CYP4X1: variants seen among roughly 807,000 people sequenced by gnomAD.
The protein encoded by CYP4X1 is cytochrome P450 4X1.
In CYP4X1, 44 loss-of-function variants were observed where a neutral mutation model predicts 57.9. The ratio of observed to expected loss-of-function variants is 0.76; its 90% CI spans 0.60 to 0.98. CYP4X1 has a LOEUF of 0.98. Ranked by LOEUF, CYP4X1 falls within the 50% of genes least tolerant of loss-of-function variation. CYP4X1 has a pLI of 0.00. For synonymous variants in CYP4X1, 227 were observed against 228.6 expected (o/e 0.99, Z 0.06); for missense variants, 532 against 623.9 (o/e 0.85, Z 1.57).
rs267598628 is a variant in CYP4X1, at chr1:47,046,583, G to T, written c.1190G>T (p.Gly397Val). 1 of 1,614,110 alleles carries T rather than the reference G, an allele frequency of 6.2e-7. No homozygotes were observed. ...AGCAAGCCACTTACCTTCCCAGATGGATGCACATTGCCTGCAGGTCTTTAC... is the reference window on the plus strand; with the variant it reads ...AGCAAGCCACTTACCTTCCCAGATGTATGCACATTGCCTGCAGGTCTTTAC... ...DLSKPLTFPD[G>V]CTLPAGITVV... Residue 397 changes from glycine (G) to valine (V), a missense_variant, in exon 9 of 12, where the codon GGA (glycine) becomes GTA (valine). Coordinates refer to ENST00000371901, the MANE Select transcript of CYP4X1 (RefSeq NM_178033.2).
the CYP4X1 span, among the ~76,000 whole-genome samples, chr1:47,009,520 C>T: frequency 6.6e-6 from 1 of 152,112 alleles, no homozygotes; most frequent in East Asian, 1.9e-4. Flanking sequence ...CAAGAACAAA[C>T]ACGTTCAAAA....
Position 47,050,021 on chromosome 1 carries a change from T to C in CYP4X1, c.1377T>C (p.Phe459=), listed in dbSNP as rs767185999. The change falls in exon 12 of 12, where the codon TTT becomes TTC. Residue 459 remains phenylalanine (F), a synonymous_variant. Coordinates refer to ENST00000371901, the MANE Select transcript of CYP4X1 (RefSeq NM_178033.2). ...TCAGGAACTGCATTGGGCAGGAGTTTGCCATGATTGAGTTAAAGGTAACCA... is the reference window on the plus strand; with the variant it reads ...TCAGGAACTGCATTGGGCAGGAGTTCGCCATGATTGAGTTAAAGGTAACCA... ...AGSRNCIGQE[F]AMIELKVTIA... is the part of the protein sequence containing the mutation. 2 of 1,614,048 alleles carry C rather than the reference T, an allele frequency of 1.2e-6. No homozygotes were observed. Among genetic ancestry groups the C allele is most frequent in the Non-Finnish European group, 1.7e-6 (2 of 1,180,000 alleles).
chr1:46,997,340 C>T, the CYP4X1 span, among the ~76,000 whole-genome samples: 3 of 152,052 alleles, frequency 2.0e-5, no homozygotes, highest in Non-Finnish European at 4.4e-5. Context: ...AACATAGTAC[C>T]CAATAGGTAG....
At position 47,033,222 on chromosome 1, in the gene CYP4X1, C is replaced by A; in HGVS notation, c.365-19C>A. The A allele has an allele frequency of 6.2e-7, 1 of 1,609,576 alleles. No homozygotes were observed. The highest frequency in any genetic ancestry group is 8.5e-7 in the Non-Finnish European group (1 of 1,178,352). ...ATCTAATTAAATGGCATAAGGTTTT[C>A]TGCCTTTTATTTCTCAAGGAAAAGG... On this transcript the variant is annotated intron_variant, in intron 3 of 11. Transcript: ENST00000371901.
chr1:46,980,671 A>G, the CYP4X1 span, among the ~76,000 whole-genome samples: 2 of 152,242 alleles, frequency 1.3e-5, no homozygotes, highest in Admixed American at 1.3e-4. Context: ...CATATTGCCA[A>G]GACAATACTT....
intron 1 of CYP4X1, among the ~76,000 whole-genome samples, chr1:47,028,948 G>C (rs1644098617): frequency 6.6e-6 from 1 of 152,200 alleles, no homozygotes; most frequent in African/African-American, 2.4e-5. Flanking sequence ...AAAAAGTGCA[G>C]TATTTTAGAA....
the CYP4X1 span, among the ~76,000 whole-genome samples, chr1:46,978,237 TGTGCAG>T: frequency 6.6e-6 from 1 of 152,020 alleles, no homozygotes; most frequent in Non-Finnish European, 1.5e-5. Flanking sequence ...ACCCATCTCA[TGTGCAG>T]CAACACACAA....
At chr1:46,982,081 G>T in the CYP4X1 span, among the ~76,000 whole-genome samples, 10 of 152,130 alleles carry the variant, frequency 6.6e-5, no homozygotes, top group Admixed American at 6.5e-5. Flanking sequence ...GTATACATAT[G>T]TAACAAACCT....
chr1:47,001,241 T>C, the CYP4X1 span, among the ~76,000 whole-genome samples: 2 of 152,214 alleles, frequency 1.3e-5, no homozygotes, highest in Non-Finnish European at 2.9e-5. Flanking sequence ...GGACAGAACC[T>C]ACCAGTCTTG....
At chr1:47,024,030 G>A in intron 1 of CYP4X1, 36 bp downstream of exon 1, 2 of 1,588,890 alleles carry the variant, frequency 1.3e-6, no homozygotes, top group Non-Finnish European at 8.6e-7. Flanking sequence ...GGAGGAGGGA[G>A]GGGCGGAGGA....
chr1:46,967,638 C>T, the CYP4X1 span: 1 of 407,146 alleles, frequency 2.5e-6, no homozygotes, highest in Non-Finnish European at 4.4e-6. Flanking sequence ...GAGACAGGAG[C>T]AGGGGTGAGG....
chr1:47,042,993 A>G (rs1371093713), intron 8 of CYP4X1, among the ~76,000 whole-genome samples: 6 of 152,228 alleles, frequency 3.9e-5, no homozygotes, highest in Non-Finnish European at 8.8e-5. Flanking sequence ...TTGCTGGATC[A>G]AATGGTAGTT....
At chr1:46,965,565 CAA>C in the CYP4X1 span, among the ~76,000 whole-genome samples, 1 of 152,162 alleles carries the variant, frequency 6.6e-6, no homozygotes, top group Non-Finnish European at 1.5e-5. Context: ...TGTGAAACAG[CAA>C]AGATGGAGGC....
At chr1:47,001,672 C>T in the CYP4X1 span, among the ~76,000 whole-genome samples, 1 of 152,218 alleles carries the variant, frequency 6.6e-6, no homozygotes, top group Non-Finnish European at 1.5e-5. Flanking sequence ...AATTCTACTT[C>T]AGAAGTTTTT....
chr1:47,019,058 A>G (rs1217759675), upstream of CYP4X1, among the ~76,000 whole-genome samples: 1 of 152,184 alleles, frequency 6.6e-6, no homozygotes, highest in African/African-American at 2.4e-5. Context: ...GAATATCACC[A>G]AACTCAAAAT....
At chr1:46,996,616 T>C in the CYP4X1 span, among the ~76,000 whole-genome samples, 1 of 152,162 alleles carries the variant, frequency 6.6e-6, no homozygotes, top group Non-Finnish European at 1.5e-5. Context: ...GTATGTAGAG[T>C]ATGAGCTTCC....
the CYP4X1 span, chr1:47,002,868 T>G: frequency 6.6e-6 from 1 of 152,218 alleles, no homozygotes; most frequent in Non-Finnish European, 1.5e-5. Context: ...TTTTGTCAAA[T>G]TAAAAAGTAG....
the CYP4X1 span, among the ~76,000 whole-genome samples, chr1:47,008,985 C>T: frequency 6.6e-6 from 1 of 152,130 alleles, no homozygotes; most frequent in Admixed American, 6.5e-5. Flanking sequence ...TTTAACACCC[C>T]ACTGTGAACA....
chr1:47,038,640 G>A lies in CYP4X1; in HGVS notation c.776-20G>A. ...GACTTTGCCATCACTTTGGTAATTG[G>A]AAACTATTTTTCTACCCAGATACAA... On this transcript the variant is annotated intron_variant, in intron 6 of 11. Coordinates refer to ENST00000371901, the MANE Select transcript of CYP4X1 (RefSeq NM_178033.2). 6.4e-7 allele frequency: 1 copy of A among 1,568,492 alleles called. No individual in the cohort carries two copies. The highest frequency in any genetic ancestry group is 8.6e-7 in the Non-Finnish European group (1 of 1,156,406).
Sources: gnomAD v4.1 joint callset for allele counts (sites outside exome capture counted in the v4.1 genomes callset) on GRCh38, gnomAD v4.1.1 for gene constraint, MANE v1.5 for transcripts, NCBI Gene and HGNC (gene_info 2026-07-23, HGNC 2026-07-21) for gene names.